Variants in BMP6 observed in about 807,000 individuals in gnomAD.
The protein encoded by BMP6 is bone morphogenetic protein 6, also known as VG-1-R.
Under a neutral mutation model 54.1 loss-of-function variants are expected in BMP6, and 17 were observed. The observed-to-expected ratio is 0.31, with a 90% CI of 0.22 to 0.47. BMP6 has a LOEUF of 0.47. BMP6 is among the 20% of genes least tolerant of loss of function. BMP6 has a pLI of 1.00. For synonymous variants in BMP6, 328 were observed against 291.2 expected, an observed-to-expected ratio of 1.13 and a Z score of -1.28; for missense variants, 720 against 690.4, an observed-to-expected ratio of 1.04 and a Z score of -0.48.
intron 1 of BMP6, among the ~76,000 whole-genome samples, chr6:7,825,174 G>C (rs1255269247): frequency 1.3e-5 from 2 of 152,054 alleles, no homozygotes; most frequent in East Asian, 3.9e-4. Context: ...TTGAAAACTA[G>C]CTGGGTATGG....
At chr6:7,844,740 A>T (rs1274631053) in intron 1 of BMP6, among the ~76,000 whole-genome samples, 1 of 152,136 alleles carries the variant, frequency 6.6e-6, no homozygotes, top group Non-Finnish European at 1.5e-5. Flanking sequence ...CCAGGAGGAC[A>T]TAACGGGGCC....
chr6:7,772,641 T>C (rs1265907787), intron 1 of BMP6, among the ~76,000 whole-genome samples: 1 of 152,132 alleles, frequency 6.6e-6, no homozygotes, highest in Non-Finnish European at 1.5e-5. Flanking sequence ...AACCAAGAGC[T>C]GGTTAGGCAA....
chr6:7,794,412 C>T (rs79092389), intron 1 of BMP6, among the ~76,000 whole-genome samples: 1,526 of 152,152 alleles, frequency 0.01, 20 homozygotes, highest in Admixed American at 0.034. Context: ...TCTAGACCAG[C>T]CTGGCAACAT....
intron 4 of BMP6, among the ~76,000 whole-genome samples, chr6:7,864,012 A>G (rs1311763816): frequency 1.5e-4 from 9 of 58,096 alleles, no homozygotes; most frequent in African/African-American, 3.7e-4. Context: ...ACTCCATCGA[A>G]AAAAAAAAAA....
intron 1 of BMP6, among the ~76,000 whole-genome samples, chr6:7,758,729 T>C (rs946564564): frequency 2.0e-5 from 3 of 152,184 alleles, no homozygotes; most frequent in Admixed American, 6.5e-5. Context: ...TGGGTCCGGC[T>C]GTGCCTCGCA....
intron 1 of BMP6, among the ~76,000 whole-genome samples, chr6:7,755,915 C>T (rs1757507993): frequency 6.6e-6 from 1 of 152,082 alleles, no homozygotes; most frequent in Admixed American, 6.6e-5. Context: ...TTCCTTTGTA[C>T]ATAAATTGTC....
rs556701182 is a variant in BMP6 at position 7,783,217 on chromosome 6, A to G, written c.664+55598A>G. 2.6e-5 allele frequency among the ~76,000 whole-genome samples: 4 copies of G among 152,344 alleles called. No homozygotes were observed. The East Asian group carries it at 5.8e-4, about 22-fold the overall frequency. On this transcript the variant is annotated intron_variant, in intron 1 of 6. Transcript: ENST00000283147. ...GAGTGTATGTAAATACTCCCCGGGA[A>G]GGAACCAGTGGAGACAGAGGAGCTC...
chr6:7,766,360 C>T (rs1757687954), intron 1 of BMP6, among the ~76,000 whole-genome samples: 1 of 152,180 alleles, frequency 6.6e-6, no homozygotes, highest in African/African-American at 2.4e-5. Context: ...CACCTGTAGT[C>T]CCAACATTTT....
In BMP6 at chr6:7,827,335, C is replaced by G. The variant is rs1758713459; in HGVS notation, c.665-17805C>G. On this transcript the variant is annotated intron_variant, in intron 1 of 6. Coordinates refer to ENST00000283147, the MANE Select transcript of BMP6 (RefSeq NM_001718.6). ...TCAAGTAACTTTATACTGAGATACTCTCTCCATTGTGTTCTCAGGAAGATG... is the reference window on the plus strand; with the variant it reads ...TCAAGTAACTTTATACTGAGATACTGTCTCCATTGTGTTCTCAGGAAGATG... Among the ~76,000 whole-genome samples, 3 of 152,212 alleles carry G rather than the reference C, an allele frequency of 2.0e-5. No homozygotes were observed. The South Asian group carries it at 6.2e-4, about 32-fold the overall frequency.
rs536397464 is a variant in BMP6 at position 7,773,128 on chromosome 6, C to T, written c.664+45509C>T. On this transcript the variant is annotated intron_variant, in intron 1 of 6. Transcript: ENST00000283147. ...GATGAACGTAGCAGATGCTCTGTTA[C>T]GAAATTTTGCCCAACTGATGCCTGA... Among the ~76,000 whole-genome samples, 29 of 152,292 alleles carry T rather than the reference C, an allele frequency of 1.9e-4. 3 individuals are homozygous for T. The highest frequency in any genetic ancestry group is 8.3e-4 in the South Asian group (4 of 4,832).
chr6:7,796,493 A>G (rs763232213), intron 1 of BMP6, among the ~76,000 whole-genome samples: 1 of 152,194 alleles, frequency 6.6e-6, no homozygotes, highest in Non-Finnish European at 1.5e-5. Flanking sequence ...TTCCTCATCT[A>G]TAGGAATATT....
chr6:7,742,302 G>T (rs1299451073), intron 1 of BMP6, among the ~76,000 whole-genome samples: 2 of 152,138 alleles, frequency 1.3e-5, no homozygotes, highest in East Asian at 3.9e-4. Context: ...AAGACATGCC[G>T]CTGAGTCTCA....
At chr6:7,873,699 C>T (rs1204057704) in intron 4 of BMP6, among the ~76,000 whole-genome samples, 1 of 152,020 alleles carries the variant, frequency 6.6e-6, no homozygotes, top group Non-Finnish European at 1.5e-5. Flanking sequence ...TCACCGTGTA[C>T]AATCTAGGGC....
At chr6:7,761,652 A>G (rs569661946) in intron 1 of BMP6, among the ~76,000 whole-genome samples, 1 of 152,338 alleles carries the variant, frequency 6.6e-6, no homozygotes, top group South Asian at 2.1e-4. Flanking sequence ...ACCTGCTGAC[A>G]CTGGCTGTTC....
chr6:7,869,951 C>T (rs1308896305), intron 4 of BMP6, among the ~76,000 whole-genome samples: 1 of 152,116 alleles, frequency 6.6e-6, no homozygotes, highest in Admixed American at 6.5e-5. Flanking sequence ...CCCCTGATGG[C>T]CCCCAGGAAG....
At chr6:7,858,035 A>T (rs1759275284) in intron 2 of BMP6, among the ~76,000 whole-genome samples, 1 of 152,138 alleles carries the variant, frequency 6.6e-6, no homozygotes, top group South Asian at 2.1e-4. Flanking sequence ...GCCTTCCTGC[A>T]CGCACTCTCA....
intron 2 of BMP6, among the ~76,000 whole-genome samples, chr6:7,857,983 C>T (rs1227211653): frequency 6.6e-6 from 1 of 152,198 alleles, no homozygotes; most frequent in African/African-American, 2.4e-5. Flanking sequence ...TGGGGCTCCA[C>T]CACTATGCCA....
rs531096947 is a variant in BMP6, at chr6:7,846,318, A to G, written c.857+986A>G. On this transcript the variant is annotated intron_variant, in intron 2 of 6. Transcript: ENST00000283147. ...TTCCCACTTTTGGTCTTGTGAGTCT[A>G]TTGATTTCCCAAGAATTTCCAAAGG... 1.1e-4 allele frequency among the ~76,000 whole-genome samples: 16 copies of G among 152,298 alleles called. No individual in the cohort carries two copies. In the South Asian group the frequency reaches 2.3e-3, roughly 22 times the overall value.
intron 1 of BMP6, among the ~76,000 whole-genome samples, chr6:7,838,030 C>T (rs892816137): frequency 6.6e-6 from 1 of 152,126 alleles, no homozygotes; most frequent in Non-Finnish European, 1.5e-5. Context: ...AAAGGCTCCC[C>T]AGCTTATTCC....
Sources: allele counts gnomAD v4.1 joint callset (sites outside exome capture counted in the v4.1 genomes callset), GRCh38; gene constraint gnomAD v4.1.1; transcripts MANE v1.5; gene names NCBI Gene and HGNC (gene_info 2026-07-23, HGNC 2026-07-21).